CLEC4A: variants seen among roughly 807,000 people sequenced by gnomAD.
The protein encoded by CLEC4A is C-type (calcium dependent, carbohydrate-recognition domain) lectin, superfamily member 6.
In CLEC4A, 27 loss-of-function variants were observed where a neutral mutation model predicts 32.7. The ratio of observed to expected loss-of-function variants is 0.83; its 90% CI spans 0.61 to 1.14. The LOEUF is 1.14. Ranked by LOEUF, CLEC4A falls within the 50% of genes most tolerant of loss-of-function variation. The pLI, the probability that CLEC4A is intolerant of heterozygous loss-of-function variation, is 0.00. For missense variants in CLEC4A, 253 were observed against 274.6 expected (o/e 0.92, Z 0.55); for synonymous variants, 89 against 93.7 (o/e 0.95, Z 0.29).
At chr12:8,122,837 T>G (rs1376773105), upstream of CLEC4A, among the ~76,000 whole-genome samples, 2 of 151,970 alleles carry the variant, frequency 1.3e-5, no homozygotes, top group South Asian at 2.1e-4. Flanking sequence ...TGTGCATGCA[T>G]GTATGCATGT....
chr12:8,129,600 A>C (rs1947961378), intron 3 of CLEC4A, among the ~76,000 whole-genome samples: 1 of 152,030 alleles, frequency 6.6e-6, no homozygotes, highest in Admixed American at 6.6e-5. Context: ...AGACCATCCT[A>C]GCCAAAATGG....
At chr12:8,119,012 C>T (rs759155544), upstream of CLEC4A, among the ~76,000 whole-genome samples, 4 of 152,334 alleles carry the variant, frequency 2.6e-5, no homozygotes, top group Admixed American at 6.5e-5. Flanking sequence ...GCTTCCCAAC[C>T]TCCAGAACTG....
At chr12:8,134,347 G>T (rs1259777530) in intron 3 of CLEC4A, 1 of 1,612,184 alleles carries the variant, frequency 6.2e-7, no homozygotes, top group South Asian at 1.1e-5. Context: ...CCCCCAGGGT[G>T]AGCCACATCG....
intron 3 of CLEC4A, chr12:8,134,495 A>G (rs1297423565): frequency 6.2e-7 from 1 of 1,613,938 alleles, no homozygotes; most frequent in South Asian, 1.1e-5. Context: ...TCACGGCACC[A>G]GAGGGGACGG....
chr12:8,134,993 T>C, intron 3 of CLEC4A: 1 of 241,588 alleles, frequency 4.1e-6, no homozygotes, highest in Non-Finnish European at 6.8e-6. Context: ...TTTGTTTTTT[T>C]TTAATCATGG....
chr12:8,136,517 T>C (rs769382371), intron 4 of CLEC4A, among the ~76,000 whole-genome samples: 4 of 147,098 alleles, frequency 2.7e-5, no homozygotes, highest in East Asian at 2.0e-4. Flanking sequence ...TGAGCCAAGA[T>C]TGCACCACTG....
At chr12:8,114,809 G>T in the CLEC4A span, among the ~76,000 whole-genome samples, 2 of 152,110 alleles carry the variant, frequency 1.3e-5, no homozygotes, top group African/African-American at 4.8e-5. Context: ...TGCATCTAAT[G>T]ATTTTCTACT....
At chr12:8,136,034 G>T (rs1485643440) in intron 4 of CLEC4A, among the ~76,000 whole-genome samples, 2 of 152,158 alleles carry the variant, frequency 1.3e-5, no homozygotes, top group African/African-American at 2.4e-5. Flanking sequence ...TTTTATACAT[G>T]ATTAACTACT....
the CLEC4A span, among the ~76,000 whole-genome samples, chr12:8,111,061 G>A: frequency 6.6e-6 from 1 of 151,494 alleles, no homozygotes; most frequent in Non-Finnish European, 1.5e-5. Flanking sequence ...TTTTAGTATA[G>A]ATGGGGTTTC....
At chr12:8,135,045 A>ATATTTTTTTTTTTTTTTTTTTT (rs1565406500) in intron 3 of CLEC4A, among the ~76,000 whole-genome samples, 1 of 4,968 alleles carries the variant, frequency 2.0e-4, no homozygotes, top group Non-Finnish European at 4.8e-4. Flanking sequence ...CAATTTTATT[A>ATATTTTTTTTTTTTTTTTTTTT]TCTTTTTTTT....
the CLEC4A span, among the ~76,000 whole-genome samples, chr12:8,114,344 A>G: frequency 6.6e-6 from 1 of 151,820 alleles, no homozygotes; most frequent in African/African-American, 2.4e-5. Context: ...TCCCGGGTTC[A>G]CGCCATTCTC....
In CLEC4A at chr12:8,131,737, C is replaced by T. The variant is rs373936026; in HGVS notation, c.298+2375C>T. 3.3e-5 allele frequency among the ~76,000 whole-genome samples: 5 copies of T among 151,952 alleles called. No individual in the cohort carries two copies. The South Asian group carries it at 1.0e-3, about 32-fold the overall frequency. ...CTATATAATTTATTTGAAATTTTGT[C>T]CAGGTGATATTTGTCTCTTTTATTC... On this transcript the variant is annotated intron_variant, in intron 3 of 5. Transcript: ENST00000229332.
chr12:8,114,117 A>G, the CLEC4A span, among the ~76,000 whole-genome samples: 8 of 152,340 alleles, frequency 5.3e-5, no homozygotes, highest in African/African-American at 1.9e-4. Flanking sequence ...CTGAAGTAAA[A>G]GGTGAAGATA....
chr12:8,122,078 A>G (rs1947835767), upstream of CLEC4A, among the ~76,000 whole-genome samples: 1 of 151,942 alleles, frequency 6.6e-6, no homozygotes, highest in Non-Finnish European at 1.5e-5. Flanking sequence ...CAGTGAGGGA[A>G]CTCAGATCCT....
chr12:8,103,521 G>A, the CLEC4A span, among the ~76,000 whole-genome samples: 1 of 151,538 alleles, frequency 6.6e-6, no homozygotes, highest in Non-Finnish European at 1.5e-5. Flanking sequence ...GAGTAGCTGG[G>A]ACTACAGGGG....
the CLEC4A span, among the ~76,000 whole-genome samples, chr12:8,109,225 G>A: frequency 1.3e-5 from 2 of 152,210 alleles, no homozygotes; most frequent in African/African-American, 4.8e-5. Context: ...TAGAAAAATA[G>A]CTGTTTGGGC....
At chr12:8,103,113 C>T in the CLEC4A span, among the ~76,000 whole-genome samples, 6 of 152,104 alleles carry the variant, frequency 3.9e-5, no homozygotes, top group Non-Finnish European at 5.9e-5. Flanking sequence ...CTCCTCACTT[C>T]CTCCATTCTG....
At chr12:8,105,507 G>A in the CLEC4A span, among the ~76,000 whole-genome samples, 5 of 151,890 alleles carry the variant, frequency 3.3e-5, no homozygotes, top group Non-Finnish European at 4.4e-5. Flanking sequence ...GTGCCACCAC[G>A]GCTGGCTAAG....
chr12:8,117,097 G>GT, the CLEC4A span, among the ~76,000 whole-genome samples: 4 of 152,066 alleles, frequency 2.6e-5, no homozygotes, highest in African/African-American at 9.7e-5. Flanking sequence ...CTAGTTTTCA[G>GT]TTTTTTCCTT....
Sources: allele counts gnomAD v4.1 joint callset (sites outside exome capture counted in the v4.1 genomes callset), GRCh38; gene constraint gnomAD v4.1.1; transcripts MANE v1.5; gene names NCBI Gene and HGNC (gene_info 2026-07-23, HGNC 2026-07-21).